GALNTL6: variants seen among roughly 807,000 people sequenced by gnomAD.
GALNTL6 encodes polypeptide N-acetylgalactosaminyltransferase like 6.
A neutral mutation model predicts 73.7 loss-of-function variants in GALNTL6; 46 were observed. The ratio of observed to expected loss-of-function variants is 0.62; its 90% CI spans 0.49 to 0.80. The LOEUF is 0.80. GALNTL6 is among the 30% of genes least tolerant of loss of function. The pLI, the probability that GALNTL6 is intolerant of heterozygous loss-of-function variation, is 0.00. For synonymous variants in GALNTL6, 259 were observed against 263.7 expected (o/e 0.98, Z 0.17); for missense variants, 604 against 755.0 (o/e 0.80, Z 2.34).
intron 8 of GALNTL6, among the ~76,000 whole-genome samples, chr4:172,903,787 T>G (rs563390812): frequency 6.6e-6 from 1 of 152,294 alleles, no homozygotes; most frequent in South Asian, 2.1e-4. Flanking sequence ...TTCGGGGGTT[T>G]GTTGTATTAC....
intron 2 of GALNTL6, among the ~76,000 whole-genome samples, chr4:172,038,638 T>A (rs551323406): frequency 9.2e-5 from 14 of 152,312 alleles, no homozygotes; most frequent in African/African-American, 3.1e-4. Context: ...GCCCCATCAC[T>A]GTCTTCAAAG....
intron 2 of GALNTL6, among the ~76,000 whole-genome samples, chr4:172,137,189 T>C (rs1033354416): frequency 5.3e-5 from 8 of 152,260 alleles, no homozygotes; most frequent in African/African-American, 1.9e-4. Context: ...TTAGGAACAA[T>C]TAATACTTAT....
At chr4:172,243,822 T>C (rs1428378326) in intron 3 of GALNTL6, among the ~76,000 whole-genome samples, 3 of 152,118 alleles carry the variant, frequency 2.0e-5, no homozygotes, top group East Asian at 1.9e-4. Context: ...TTCTCCCTAA[T>C]TGAACAAGAT....
chr4:172,211,440 G>A (rs955842713), intron 2 of GALNTL6, among the ~76,000 whole-genome samples: 7 of 152,124 alleles, frequency 4.6e-5, no homozygotes, highest in Non-Finnish European at 8.8e-5. Context: ...GTTCATACCA[G>A]ATGGATCATT....
In GALNTL6 at chr4:172,264,672, G is replaced by GTA. The variant is rs367691080; in HGVS notation, c.247+34921_247+34922dup. On this transcript the variant is annotated intron_variant, in intron 3 of 12. Coordinates refer to ENST00000506823, the MANE Select transcript of GALNTL6 (RefSeq NM_001034845.3). ...CGTATAAGTGTGTATGTATGTATGT[G>GTA]TATATATATATATAATTGGAACAGT... is the stretch of plus-strand genomic sequence containing the variant. Among the ~76,000 whole-genome samples, 912 of 142,980 alleles carry GTA rather than the reference G, an allele frequency of 6.4e-3. 3 individuals carry two copies. The highest frequency in any genetic ancestry group is 7.4e-3 in the African/African-American group (293 of 39,440). The allele number at this position is 142,980 out of a possible 152,430, so 93.8% of individuals were successfully genotyped here.
chr4:172,540,803 A>G (rs1735525826), intron 5 of GALNTL6, among the ~76,000 whole-genome samples: 1 of 152,230 alleles, frequency 6.6e-6, no homozygotes, highest in Non-Finnish European at 1.5e-5. Flanking sequence ...TGCTTGAGCT[A>G]AGATAAAGGG....
chr4:172,066,445 C>A (rs1566950), intron 2 of GALNTL6, among the ~76,000 whole-genome samples: 74,212 of 151,758 alleles, frequency 0.49, 18,517 homozygotes, highest in Non-Finnish European at 0.51. Flanking sequence ...TAAGATAAAT[C>A]TCAAAGCAGC....
intron 2 of GALNTL6, among the ~76,000 whole-genome samples, chr4:172,019,770 A>C (rs1485174246): frequency 6.6e-6 from 1 of 152,122 alleles, no homozygotes; most frequent in Non-Finnish European, 1.5e-5. Context: ...TCCAGGAAGA[A>C]AATCAACAAC....
At chr4:172,984,627 C>T (rs970140727) in intron 10 of GALNTL6, among the ~76,000 whole-genome samples, 1 of 151,984 alleles carries the variant, frequency 6.6e-6, no homozygotes, top group Admixed American at 6.6e-5. Context: ...AGGGAGGGGG[C>T]GAGGACGGCA....
intron 2 of GALNTL6, among the ~76,000 whole-genome samples, chr4:172,022,710 C>T (rs1741443582): frequency 6.6e-6 from 1 of 151,784 alleles, no homozygotes; most frequent in Non-Finnish European, 1.5e-5. Flanking sequence ...AAAAAAAAAA[C>T]CCTCCATTCC....
At chr4:172,682,366 G>A (rs2164822) in intron 5 of GALNTL6, among the ~76,000 whole-genome samples, 6,899 of 152,192 alleles carry the variant, frequency 0.045, 310 homozygotes, top group African/African-American at 0.11. Context: ...TTAATAGAAA[G>A]TAGTATCATG....
At chr4:172,717,432 A>T (rs1056978155) in intron 5 of GALNTL6, among the ~76,000 whole-genome samples, 1 of 152,358 alleles carries the variant, frequency 6.6e-6, no homozygotes, top group South Asian at 2.1e-4. Flanking sequence ...AACGCAGTCC[A>T]CATGAACTAT....
At chr4:172,275,364 G>A (rs1422098876) in intron 3 of GALNTL6, among the ~76,000 whole-genome samples, 1 of 152,154 alleles carries the variant, frequency 6.6e-6, no homozygotes, top group East Asian at 1.9e-4. Flanking sequence ...CAGAGTATTT[G>A]TTAAGAATAT....
At chr4:171,865,684 T>G (rs1010206804) in intron 2 of GALNTL6, among the ~76,000 whole-genome samples, 6 of 152,198 alleles carry the variant, frequency 3.9e-5, no homozygotes, top group African/African-American at 1.4e-4. Flanking sequence ...ACTTAATCTC[T>G]TAAACATTAG....
chr4:172,966,498 G>A (rs1750332112), intron 10 of GALNTL6, among the ~76,000 whole-genome samples: 1 of 151,810 alleles, frequency 6.6e-6, no homozygotes, highest in South Asian at 2.1e-4. Flanking sequence ...GAGTTCAAGC[G>A]ACTCTCCTGC....
intron 12 of GALNTL6, among the ~76,000 whole-genome samples, chr4:173,027,426 T>G (rs1464800066): frequency 1.3e-5 from 2 of 152,250 alleles, no homozygotes; most frequent in African/African-American, 2.4e-5. Context: ...CCCACTGCAC[T>G]GAAGTGACGC....
chr4:172,380,173 C>T (rs1220041306), intron 5 of GALNTL6: 2 of 1,031,358 alleles, frequency 1.9e-6, no homozygotes, highest in Admixed American at 1.7e-5. Flanking sequence ...GGATCCGTAG[C>T]AGAACTGTGC....
intron 5 of GALNTL6, among the ~76,000 whole-genome samples, chr4:172,715,258 G>A (rs1257317775): frequency 2.0e-5 from 3 of 152,102 alleles, no homozygotes; most frequent in Non-Finnish European, 4.4e-5. Flanking sequence ...TGTATGTGGC[G>A]GCAGGGTGTG....
chr4:171,892,473 T>C (rs987789131), intron 2 of GALNTL6, among the ~76,000 whole-genome samples: 6 of 152,212 alleles, frequency 3.9e-5, no homozygotes, highest in African/African-American at 1.4e-4. Flanking sequence ...AAAATTATTC[T>C]AATGAACAAT....
Sources: gnomAD v4.1 joint callset for allele counts (sites outside exome capture counted in the v4.1 genomes callset) on GRCh38, gnomAD v4.1.1 for gene constraint, MANE v1.5 for transcripts, NCBI Gene and HGNC (gene_info 2026-07-23, HGNC 2026-07-21) for gene names.